GIPC3: variants seen among roughly 807,000 people sequenced by gnomAD.
GIPC3 encodes the protein PDZ domain-containing protein GIPC3.
GIPC3 carries 16 observed loss-of-function variants against 27.3 expected under a neutral mutation model. The ratio of observed to expected loss-of-function variants is 0.59; its 90% confidence interval spans 0.40 to 0.89. The LOEUF is 0.89. Ranked by LOEUF, GIPC3 falls within the 40% of genes least tolerant of loss-of-function variation. The probability of loss-of-function intolerance (pLI) is 0.00; values close to 1 mark genes in which losing one functional copy is unlikely to be tolerated. For synonymous variants in GIPC3, 194 were observed against 184.6 expected (o/e 1.05, Z -0.41); for missense variants, 440 against 442.1 (o/e 1.00, Z 0.04).
Position 3,592,073 on chromosome 19 carries a change from C to T in GIPC3, c.*1883C>T. 1.6e-6 allele frequency: 2 copies of T among 1,232,144 alleles called. No homozygotes were observed. The highest frequency in any genetic ancestry group is 8.2e-5 in the South Asian group (2 of 24,302). The allele number at this position is 1,232,144 out of a possible 1,614,324, so 76.3% of individuals were successfully genotyped here. On this transcript the variant is annotated 3_prime_UTR_variant, in exon 6 of 6. Coordinates refer to ENST00000644452, the MANE Select transcript of GIPC3 (RefSeq NM_133261.3). ...CAGCAGCTGAGACCCAGCCAAGTTC[C>T]AGAATCCAGCTAAGCTCTGGAGTCC...
chr19:3,591,995 C>A lies in GIPC3; in HGVS notation c.*1805C>A. Reference sequence around the variant, plus strand: ...CCGCACCCAGCTCTGGAACTCAGCTCAGTTCTGGAGCACAGGCTGGTTCTG... The same window carrying A: ...CCGCACCCAGCTCTGGAACTCAGCTAAGTTCTGGAGCACAGGCTGGTTCTG... On this transcript the variant is annotated 3_prime_UTR_variant, in exon 6 of 6. Transcript: ENST00000644452. 8.1e-7 allele frequency: 1 copy of A among 1,232,058 alleles called. No individual in the cohort carries two copies. Among genetic ancestry groups the A allele is most frequent in the Non-Finnish European group, 1.0e-6 (1 of 988,042 alleles). The allele number at this position is 1,232,058 out of a possible 1,614,324, so 76.3% of individuals were successfully genotyped here. A position where few individuals can be genotyped will look rare whatever the true frequency, so the allele number is the denominator to read the frequency against.
In GIPC3 at chr19:3,591,826, C is replaced by T. The variant is rs2032491927; in HGVS notation, c.*1636C>T. 8.1e-7 allele frequency: 1 copy of T among 1,233,852 alleles called. No homozygotes were observed. The highest frequency in any genetic ancestry group is 3.1e-5 in the East Asian group (1 of 31,746). The allele number at this position is 1,233,852 out of a possible 1,614,324, so 76.4% of individuals were successfully genotyped here. On this transcript the variant is annotated 3_prime_UTR_variant, in exon 6 of 6. Coordinates refer to ENST00000644452, the MANE Select transcript of GIPC3 (RefSeq NM_133261.3). ...TCTGGAACCCCATCCATCTTGGAAG[C>T]AAGACCCAGCTCCAGCACACAGCTT...
At chr19:3,587,977 C>T (rs2032407650) in intron 3 of GIPC3, among the ~76,000 whole-genome samples, 1 of 152,028 alleles carries the variant, frequency 6.6e-6, no homozygotes, top group South Asian at 2.1e-4. Flanking sequence ...GTGTGAGCCA[C>T]CGCGCCTGGC....
chr19:3,591,938 G>A lies in GIPC3; in HGVS notation c.*1748G>A, dbSNP rs907919445. The A allele has an allele frequency of 1.1e-5, 13 of 1,232,170 alleles. No individual in the cohort carries two copies. The highest frequency in any genetic ancestry group is 1.3e-5 in the Non-Finnish European group (13 of 988,248). 76.3% of individuals were successfully genotyped at this position (1,232,170 alleles called of 1,614,324 possible). On this transcript the variant is annotated 3_prime_UTR_variant, in exon 6 of 6. Transcript: ENST00000644452. ...GGACCCAGACCAATTTCAAGGCCTGGCCAAGCTCCAGAGCTCAATCCAGCC... is the reference window on the plus strand; with the variant it reads ...GGACCCAGACCAATTTCAAGGCCTGACCAAGCTCCAGAGCTCAATCCAGCC...
chr19:3,585,891 C>T, intron 1 of GIPC3, 69 bp downstream of exon 1: 2 of 1,503,134 alleles, frequency 1.3e-6, no homozygotes, highest in East Asian at 5.3e-5. Context: ...AGCTTGGACC[C>T]TGGACGGGAG....
intron 3 of GIPC3, among the ~76,000 whole-genome samples, chr19:3,587,230 C>T (rs777753337): frequency 6.6e-6 from 1 of 151,986 alleles, no homozygotes; most frequent in Non-Finnish European, 1.5e-5. Flanking sequence ...TGGAGGAGGA[C>T]GCGTCCAGAA....
In GIPC3 at chr19:3,592,102, C is replaced by A. The variant is rs113699849; in HGVS notation, c.*1912C>A. 4.7e-4 allele frequency: 582 copies of A among 1,232,108 alleles called. No homozygotes were observed. The African/African-American group carries it at 7.3e-3, about 15-fold the overall frequency. The allele number at this position is 1,232,108 out of a possible 1,614,324, so 76.3% of individuals were successfully genotyped here. On this transcript the variant is annotated 3_prime_UTR_variant, in exon 6 of 6. Transcript: ENST00000644452. ...ATCCAGCTAAGCTCTGGAGTCCAAT[C>A]TAGTCCTGGGACCCAGGCCATCGCA...
At chr19:3,586,032 G>C (rs1466422921) in intron 1 of GIPC3, among the ~76,000 whole-genome samples, 1 of 152,178 alleles carries the variant, frequency 6.6e-6, no homozygotes, top group African/African-American at 2.4e-5. Flanking sequence ...AAGATGGGCA[G>C]GTCTTAGGAC....
intron 5 of GIPC3, 61 bp downstream of exon 5, chr19:3,589,973 G>A: frequency 6.2e-7 from 1 of 1,613,314 alleles, no homozygotes; most frequent in South Asian, 1.1e-5. Flanking sequence ...GAGGAGGCAG[G>A]GGTCCCAGCG....
In GIPC3 at chr19:3,587,015, G is replaced by A. The variant is rs1229139345; in HGVS notation, c.592+21G>A. 2.5e-6 allele frequency: 4 copies of A among 1,604,222 alleles called. No homozygotes were observed. In the East Asian group the frequency reaches 9.0e-5, roughly 36 times the overall value. The stretch of plus-strand genomic sequence containing the variant: ...CTTCGGTGAGGCGGGTGGGCTGGCG[G>A]GAGCTCTTCCCGAAGTGCGTTCTAC... On this transcript the variant is annotated intron_variant, in intron 3 of 5. Coordinates refer to ENST00000644452, the MANE Select transcript of GIPC3 (RefSeq NM_133261.3).
At chr19:3,587,974 C>A (rs1194276784) in intron 3 of GIPC3, among the ~76,000 whole-genome samples, 1 of 152,052 alleles carries the variant, frequency 6.6e-6, no homozygotes, top group Non-Finnish European at 1.5e-5. Flanking sequence ...CAGGTGTGAG[C>A]CACCGCGCCT....
At chr19:3,588,653 A>AAAAAAAAC (rs1555704531) in intron 3 of GIPC3, among the ~76,000 whole-genome samples, 17 of 151,190 alleles carry the variant, frequency 1.1e-4, no homozygotes, top group Non-Finnish European at 1.3e-4. Flanking sequence ...AAAAAAAAAA[A>AAAAAAAAC]AAAAAACCTG....
At chr19:3,588,763 T>C (rs1048851333) in intron 3 of GIPC3, among the ~76,000 whole-genome samples, 5 of 151,082 alleles carry the variant, frequency 3.3e-5, no homozygotes, top group African/African-American at 1.2e-4. Context: ...GCCAATATGG[T>C]GAAACCCTGT....
intron 3 of GIPC3, among the ~76,000 whole-genome samples, chr19:3,588,015 T>C (rs1053453829): frequency 6.6e-6 from 1 of 151,876 alleles, no homozygotes; most frequent in African/African-American, 2.4e-5. Context: ...AATTTTTTTC[T>C]TTTTTTGAGA....
At position 3,590,198 on chromosome 19, in the gene GIPC3, T is replaced by TG. The variant is rs761229176; in HGVS notation, c.*15dup. 2.0e-5 allele frequency: 31 copies of TG among 1,584,580 alleles called. No individual in the cohort carries two copies. Among genetic ancestry groups the TG allele is most frequent in the East Asian group, 6.9e-5 (3 of 43,674 alleles). ...AGAGAGGCCTGTGGCTAGTTTGCCC[T>TG]GGGGGGGCCCAGCACAGCCCCAGCC... is the stretch of plus-strand genomic sequence containing the variant. On this transcript the variant is annotated 3_prime_UTR_variant, in exon 6 of 6. Transcript: ENST00000644452.
chr19:3,588,476 G>A (rs367581250), intron 3 of GIPC3, among the ~76,000 whole-genome samples: 51 of 152,126 alleles, frequency 3.4e-4, no homozygotes, highest in African/African-American at 1.1e-3. Context: ...CCCAGGGAGA[G>A]TGAGCTGTAT....
In GIPC3 at chr19:3,593,194, T is replaced by C; in HGVS notation, c.*3004T>C. ...AGTCCTGCCCCTAGGGCAGCCCTCC[T>C]GAGTTCCCAGCTGTCTGAGTCCCCA... On this transcript the variant is annotated 3_prime_UTR_variant, in exon 6 of 6. Transcript: ENST00000644452. 1.6e-6 allele frequency: 2 copies of C among 1,232,378 alleles called. No individual in the cohort carries two copies. Among genetic ancestry groups the C allele is most frequent in the East Asian group, 6.3e-5 (2 of 31,718 alleles). 76.3% of individuals were successfully genotyped at this position (1,232,378 alleles called of 1,614,324 possible). A position where few individuals can be genotyped will look rare whatever the true frequency, so the allele number is the denominator to read the frequency against.
Position 3,591,076 on chromosome 19 carries a change from C to G in GIPC3, c.*886C>G. 8.1e-7 allele frequency: 1 copy of G among 1,231,162 alleles called. No homozygotes were observed. The highest frequency in any genetic ancestry group is 1.0e-6 in the Non-Finnish European group (1 of 988,254). 76.3% of individuals were successfully genotyped at this position (1,231,162 alleles called of 1,614,324 possible). On this transcript the variant is annotated 3_prime_UTR_variant, in exon 6 of 6. Transcript: ENST00000644452. ...ACCAAGCCGTGTTCTAGAATTCAGGCCACATCTGAAGCCAAGCCCAGCTCT... is the reference window on the plus strand; with the variant it reads ...ACCAAGCCGTGTTCTAGAATTCAGGGCACATCTGAAGCCAAGCCCAGCTCT...
rs933072372 is a variant in GIPC3, at chr19:3,590,987, C to T, written c.*797C>T. 33 of 1,230,514 alleles carry T rather than the reference C, an allele frequency of 2.7e-5. No homozygotes were observed. The African/African-American group carries it at 4.9e-4, about 18-fold the overall frequency. The allele number at this position is 1,230,514 out of a possible 1,614,324, so 76.2% of individuals were successfully genotyped here. A position where few individuals can be genotyped will look rare whatever the true frequency, so the allele number is the denominator to read the frequency against. On this transcript the variant is annotated 3_prime_UTR_variant, in exon 6 of 6. Coordinates refer to ENST00000644452, the MANE Select transcript of GIPC3 (RefSeq NM_133261.3). ...CCAAGCCCTGTTCTAGAGTCCAGGC[C>T]AGCTCCGAGACCAAGCCCAGCTCTA...
Sources: allele counts gnomAD v4.1 joint callset (sites outside exome capture counted in the v4.1 genomes callset), GRCh38; gene constraint gnomAD v4.1.1; transcripts MANE v1.5; gene names NCBI Gene and HGNC (gene_info 2026-07-23, HGNC 2026-07-21).